FRMD4B: variants seen among roughly 807,000 people sequenced by gnomAD.
The protein encoded by FRMD4B is FERM domain containing 4B, also known as FERM domain-containing protein 4B.
FRMD4B carries 74 observed loss-of-function variants against 141.5 expected under a neutral mutation model. The ratio of observed to expected loss-of-function variants is 0.52; its 90% confidence interval spans 0.43 to 0.63. FRMD4B has a LOEUF of 0.63. FRMD4B is among the 30% of genes least tolerant of loss of function. The pLI, the probability that FRMD4B is intolerant of heterozygous loss-of-function variation, is 0.00. For missense variants in FRMD4B, 1,366 were observed against 1,253.4 expected, an observed-to-expected ratio of 1.09 and a Z score of -1.36; for synonymous variants, 506 against 467.9, an observed-to-expected ratio of 1.08 and a Z score of -1.05.
At chr3:69,462,050 T>G (rs777785371) in intron 1 of FRMD4B, among the ~76,000 whole-genome samples, 2 of 152,144 alleles carry the variant, frequency 1.3e-5, no homozygotes, top group Non-Finnish European at 2.9e-5. Context: ...GTTGGGTCTT[T>G]CAAAAAGCAG....
In FRMD4B at chr3:69,202,284, A is replaced by C. The variant is rs145804250; in HGVS notation, c.877-3510T>G. On this transcript the variant is annotated intron_variant, in intron 11 of 22. Transcript: ENST00000398540. ...GAAATCAAAGTTTAAAGGAAGATAC[A>C]AGAAAGCTAAGTATGCTTCCCATTT... Among the ~76,000 whole-genome samples, 162 of 152,310 alleles carry C rather than the reference A, an allele frequency of 1.1e-3. 2 individuals are homozygous for C. The highest frequency in any genetic ancestry group is 9.4e-3 in the Admixed American group (144 of 15,298).
chr3:69,242,850 C>T (rs1030346488), intron 7 of FRMD4B, among the ~76,000 whole-genome samples: 2 of 151,620 alleles, frequency 1.3e-5, no homozygotes, highest in Admixed American at 1.3e-4. Flanking sequence ...AAAAATTAGC[C>T]GGGCGTGGTG....
intron 13 of FRMD4B, chr3:69,196,685 AT>A: frequency 1.7e-6 from 1 of 578,092 alleles, no homozygotes; most frequent in Non-Finnish European, 3.0e-6. Flanking sequence ...ACAAACGTGC[AT>A]GCCAAAAAGT....
intron 7 of FRMD4B, among the ~76,000 whole-genome samples, chr3:69,243,484 C>T (rs1035799736): frequency 6.6e-6 from 1 of 152,044 alleles, no homozygotes; most frequent in Non-Finnish European, 1.5e-5. Flanking sequence ...GCCTTGAATG[C>T]CAGGTTGTGC....
At chr3:69,449,031 T>C (rs1705452432) in intron 1 of FRMD4B, among the ~76,000 whole-genome samples, 1 of 152,194 alleles carries the variant, frequency 6.6e-6, no homozygotes, top group Admixed American at 6.5e-5. Flanking sequence ...TTTTTATATG[T>C]AGCCTCGTAA....
intron 1 of FRMD4B, among the ~76,000 whole-genome samples, chr3:69,500,457 T>C (rs1706473908): frequency 6.6e-6 from 1 of 151,958 alleles, no homozygotes; most frequent in South Asian, 2.1e-4. Context: ...TATTTGGGCA[T>C]AGAGGAGAGT....
intron 1 of FRMD4B, among the ~76,000 whole-genome samples, chr3:69,514,680 T>C (rs1489679578): frequency 7.3e-6 from 1 of 136,812 alleles, no homozygotes; most frequent in Non-Finnish European, 1.6e-5. Flanking sequence ...AGAGCAAGAC[T>C]CCATCTTAAA....
At chr3:69,358,756 A>T (rs1226650664) in intron 1 of FRMD4B, among the ~76,000 whole-genome samples, 1 of 152,170 alleles carries the variant, frequency 6.6e-6, no homozygotes, top group Admixed American at 6.6e-5. Flanking sequence ...AAATAAACAA[A>T]CAAAAAAAGA....
At chr3:69,335,436 G>T (rs566653455) in intron 1 of FRMD4B, among the ~76,000 whole-genome samples, 1 of 144,110 alleles carries the variant, frequency 6.9e-6, no homozygotes, top group Non-Finnish European at 1.5e-5. Flanking sequence ...GCAGTGGCAC[G>T]ATCTTGGCTC....
At chr3:69,190,449 C>A (rs1225838390) in intron 17 of FRMD4B, among the ~76,000 whole-genome samples, 1 of 149,396 alleles carries the variant, frequency 6.7e-6, no homozygotes, top group Non-Finnish European at 1.5e-5. Flanking sequence ...GAGTCTCATT[C>A]TGTTGCCCAG....
intron 2 of FRMD4B, among the ~76,000 whole-genome samples, chr3:69,422,793 T>C (rs972337914): frequency 7.2e-6 from 1 of 139,794 alleles, no homozygotes; most frequent in Admixed American, 6.9e-5. Context: ...CATTTAAAAA[T>C]GAAAAAGGAA....
Position 69,287,952 on chromosome 3 carries a change from CTT to C in FRMD4B, c.417-118_417-117del, listed in dbSNP as rs1284406710. The C allele has an allele frequency of 3.6e-4, 212 of 594,706 alleles. 1 individual carries two copies. Among genetic ancestry groups the C allele is most frequent in the Middle Eastern group, 8.1e-4 (3 of 3,716 alleles). The allele number at this position is 594,706 out of a possible 1,614,324, so 36.8% of individuals were successfully genotyped here. On this transcript the variant is annotated intron_variant, in intron 4 of 22. Transcript: ENST00000398540. ...TTTGAGAAACCTGAGGAAGGTTGTG[CTT>C]TCTTTTCCGTTTTAAAAGAAATATG...
intron 4 of FRMD4B, among the ~76,000 whole-genome samples, chr3:69,297,721 T>A (rs1318210447): frequency 6.6e-6 from 1 of 152,172 alleles, no homozygotes; most frequent in East Asian, 1.9e-4. Context: ...GAGGCTCATA[T>A]GTTTGTGGAA....
intron 11 of FRMD4B, among the ~76,000 whole-genome samples, chr3:69,214,998 G>A (rs1409864253): frequency 3.3e-5 from 5 of 151,654 alleles, no homozygotes; most frequent in Admixed American, 6.6e-5. Context: ...TCCTGCCTCA[G>A]CCTCCCGAGG....
intron 1 of FRMD4B, among the ~76,000 whole-genome samples, chr3:69,356,713 G>C (rs766714352): frequency 1.6e-4 from 24 of 151,182 alleles, no homozygotes; most frequent in South Asian, 4.2e-4. Flanking sequence ...ATACCCATTA[G>C]TCATAGGGAT....
intron 5 of FRMD4B, among the ~76,000 whole-genome samples, chr3:69,269,881 A>T (rs1258354893): frequency 6.6e-6 from 1 of 152,122 alleles, no homozygotes; most frequent in Non-Finnish European, 1.5e-5. Context: ...CAGCCTCCCA[A>T]AGTGCTGGGA....
rs949451553 is a variant in FRMD4B, at chr3:69,490,478, C to T, written c.-129+51728G>A. The stretch of plus-strand genomic sequence containing the variant: ...ATGCCAGGCTTGTTCCTATTGCAGG[C>T]GTTTGCAATGGTGCTTCCTTCTACT... On this transcript the variant is annotated intron_variant, in intron 1 of 5. Transcript: ENST00000459638. Among the ~76,000 whole-genome samples, 8 of 152,158 alleles carry T rather than the reference C, an allele frequency of 5.3e-5. No homozygotes were observed. The East Asian group carries it at 9.6e-4, about 18-fold the overall frequency.
chr3:69,327,952 C>T (rs1702236848), intron 1 of FRMD4B, among the ~76,000 whole-genome samples: 1 of 152,080 alleles, frequency 6.6e-6, no homozygotes, highest in Non-Finnish European at 1.5e-5. Context: ...CTTTTTGAAG[C>T]CAATGTGGGA....
At chr3:69,211,226 A>T (rs1449601900) in intron 11 of FRMD4B, among the ~76,000 whole-genome samples, 2 of 152,188 alleles carry the variant, frequency 1.3e-5, no homozygotes, top group East Asian at 3.9e-4. Flanking sequence ...TCTTACAACC[A>T]CCCTACACAG....
Sources: allele counts gnomAD v4.1 joint callset (sites outside exome capture counted in the v4.1 genomes callset), GRCh38; gene constraint gnomAD v4.1.1; transcripts MANE v1.5; gene names NCBI Gene and HGNC (gene_info 2026-07-23, HGNC 2026-07-21).